The following RBMS2 variants were observed in gnomAD, a reference collection of about 807,000 sequenced individuals.
RBMS2 encodes RNA-binding motif, single-stranded-interacting protein 2.
RBMS2 carries 38 observed loss-of-function variants against 58.4 expected under a neutral mutation model. That is an observed-to-expected ratio of 0.65 (90% CI 0.50 to 0.85). RBMS2 has a LOEUF of 0.85. Ranked by LOEUF, RBMS2 falls within the 40% of genes least tolerant of loss-of-function variation. The pLI, the probability that RBMS2 is intolerant of heterozygous loss-of-function variation, is 0.00. For synonymous variants in RBMS2, 151 were observed against 180.7 expected (o/e 0.84, Z 1.32); for missense variants, 367 against 503.7 (o/e 0.73, Z 2.60).
chr12:56,584,946 C>G (rs1250252409), intron 9 of RBMS2, among the ~76,000 whole-genome samples: 1 of 151,424 alleles, frequency 6.6e-6, no homozygotes, highest in East Asian at 1.9e-4. Flanking sequence ...GCCTCAGCCT[C>G]CCAAGTAGCT....
intron 1 of RBMS2, among the ~76,000 whole-genome samples, chr12:56,538,184 C>T (rs375059600): frequency 6.6e-6 from 1 of 151,964 alleles, no homozygotes; most frequent in Non-Finnish European, 1.5e-5. Context: ...AGACGTGCAC[C>T]ACCATGCCCA....
chr12:56,524,394 G>C (rs1052659243), intron 1 of RBMS2, among the ~76,000 whole-genome samples: 2 of 151,092 alleles, frequency 1.3e-5, no homozygotes, highest in South Asian at 2.1e-4. Context: ...GTTTGTGAAC[G>C]TGGAGGGTTT....
intron 9 of RBMS2, 68 bp from the exon 10 acceptor site, chr12:56,586,778 GAAC>G (rs1884727780): frequency 2.3e-6 from 3 of 1,323,084 alleles, no homozygotes; most frequent in Non-Finnish European, 3.2e-6. Flanking sequence ...GAGCTTTGTT[GAAC>G]ATTATTAGAT....
chr12:56,527,547 G>A (rs772633989), intron 1 of RBMS2, among the ~76,000 whole-genome samples: 19 of 152,260 alleles, frequency 1.2e-4, no homozygotes, highest in Non-Finnish European at 2.1e-4. Flanking sequence ...GGGAGGCAGA[G>A]GTTGCAGTGA....
At chr12:56,569,418 G>A (rs1881919474) in intron 3 of RBMS2, among the ~76,000 whole-genome samples, 1 of 152,106 alleles carries the variant, frequency 6.6e-6, no homozygotes, top group South Asian at 2.1e-4. Flanking sequence ...TTTTATTGGG[G>A]TTTTGAGCAG....
rs747806525 is a variant in RBMS2, at chr12:56,522,035, C to T, written c.12C>T (p.Ser4=). The change falls in exon 1 of 14, where the codon TCC becomes TCT. Residue 4 remains serine, a synonymous_variant. Transcript: ENST00000262031. MLL[S]VTSRPGISTF... Reference sequence around the variant, plus strand: ...ACATTAAAGAGAAAATGCTGCTATCCGTGACTTCCAGGCCCGGGATTTCGA... The same window carrying T: ...ACATTAAAGAGAAAATGCTGCTATCTGTGACTTCCAGGCCCGGGATTTCGA... 3 of 1,543,090 alleles carry T rather than the reference C, an allele frequency of 1.9e-6. No homozygotes were observed. The highest frequency in any genetic ancestry group is 2.2e-5 in the South Asian group (2 of 89,638).
chr12:56,565,299 T>C (rs887272617), intron 2 of RBMS2, among the ~76,000 whole-genome samples: 2 of 152,176 alleles, frequency 1.3e-5, no homozygotes, highest in African/African-American at 4.8e-5. Flanking sequence ...AACTCGGGAC[T>C]TGGGTATTTG....
Position 56,596,020 on chromosome 12 carries a change from T to C in RBMS2, c.*6887T>C, listed in dbSNP as rs1387355641. On this transcript the variant is annotated 3_prime_UTR_variant, in exon 14 of 14. Coordinates refer to ENST00000262031, the MANE Select transcript of RBMS2 (RefSeq NM_002898.4). ...GAACATCACATGGCAAAAACAGGAG[T>C]TTTTTCGCTAGACTTTTTTTTTCTT... The C allele has an allele frequency of 2.0e-5, 3 of 152,596 alleles. No individual in the cohort carries two copies. Among genetic ancestry groups the C allele is most frequent in the Non-Finnish European group, 4.4e-5 (3 of 68,042 alleles). The allele number at this position is 152,596 out of a possible 1,614,324, so 9.5% of individuals were successfully genotyped here. A position where few individuals can be genotyped will look rare whatever the true frequency, so the allele number is the denominator to read the frequency against.
intron 1 of RBMS2, among the ~76,000 whole-genome samples, chr12:56,553,169 G>A (rs1324155777): frequency 1.3e-5 from 2 of 151,524 alleles, no homozygotes; most frequent in Non-Finnish European, 2.9e-5. Flanking sequence ...TGCCTGCCTC[G>A]GCCTCCCAAA....
intron 2 of RBMS2, among the ~76,000 whole-genome samples, chr12:56,562,984 A>G (rs1880705511): frequency 6.6e-6 from 1 of 152,080 alleles, no homozygotes; most frequent in African/African-American, 2.4e-5. Flanking sequence ...TTAGCCGGGC[A>G]TGGTGGCGGG....
At chr12:56,556,478 C>T (rs1879256868) in intron 1 of RBMS2, among the ~76,000 whole-genome samples, 1 of 151,194 alleles carries the variant, frequency 6.6e-6, no homozygotes, top group Admixed American at 6.6e-5. Flanking sequence ...CGAGTTCAAG[C>T]GATTCTCCTG....
chr12:56,594,531 G>A lies in RBMS2; in HGVS notation c.*5398G>A, dbSNP rs1885562624. The A allele has an allele frequency of 6.6e-6, 1 of 152,100 alleles. No homozygotes were observed. Among genetic ancestry groups the A allele is most frequent in the African/African-American group, 2.4e-5 (1 of 41,390 alleles). The allele number at this position is 152,100 out of a possible 1,614,324, so 9.4% of individuals were successfully genotyped here. On this transcript the variant is annotated 3_prime_UTR_variant, in exon 14 of 14. Transcript: ENST00000262031. ...CGTTTAAACCAACTACTCTATTTCT[G>A]TGCTGCCTACATTTTCAATCCTCCC...
intron 1 of RBMS2, among the ~76,000 whole-genome samples, chr12:56,557,221 C>A (rs999329535): frequency 6.6e-6 from 1 of 152,074 alleles, no homozygotes; most frequent in African/African-American, 2.4e-5. Flanking sequence ...GGTGCTCATA[C>A]GTATTACCCT....
At chr12:56,536,820 G>A (rs1874973074) in intron 1 of RBMS2, among the ~76,000 whole-genome samples, 1 of 151,576 alleles carries the variant, frequency 6.6e-6, no homozygotes, top group South Asian at 2.1e-4. Flanking sequence ...GCCCCCCTTG[G>A]CCTCCCAAAG....
chr12:56,535,627 T>G (rs1487825507), intron 1 of RBMS2, among the ~76,000 whole-genome samples: 1 of 152,116 alleles, frequency 6.6e-6, no homozygotes, highest in Non-Finnish European at 1.5e-5. Context: ...ATATTTAACA[T>G]TACACCTGAC....
chr12:56,586,922 C>T lies in RBMS2; in HGVS notation c.947C>T (p.Pro316Leu). 2 of 1,612,148 alleles carry T rather than the reference C, an allele frequency of 1.2e-6. No individual in the cohort carries two copies. ...WMHHHSYLMQ[P>L]SGSVLTPGMD... ...CACCACCATTCATACCTCATGCAGC[C>T]TTCAGTGAGTATTCAGAAGTGGGCA... Residue 316 changes from proline to leucine, a missense_variant, in exon 10 of 14, where the codon CCT becomes CTT. Physicochemically the swap from Pro to Leu is moderately conservative, Grantham distance 98. Around this residue, in one of 3 missense-constraint regions of RBMS2, gnomAD observed 220 missense variants for 261.1 expected, o/e 0.84. Transcript: ENST00000262031.
intron 1 of RBMS2, among the ~76,000 whole-genome samples, chr12:56,531,618 G>A (rs1487107347): frequency 6.6e-6 from 1 of 151,578 alleles, no homozygotes; most frequent in Non-Finnish European, 1.5e-5. Context: ...CAGAGGTCAG[G>A]AGTTCGAGAC....
At chr12:56,527,753 C>T (rs1308122668) in intron 1 of RBMS2, 1 of 139,850 alleles carries the variant, frequency 7.2e-6, no homozygotes, top group African/African-American at 2.6e-5. Flanking sequence ...TCCCCCGCCA[C>T]CCCCCCACCA....
chr12:56,568,942 C>G (rs746076130), intron 2 of RBMS2, 33 bp from the exon 3 acceptor site: 1 of 1,557,342 alleles, frequency 6.4e-7, no homozygotes, highest in Admixed American at 1.7e-5. Context: ...CTCTGCCCCC[C>G]AGATTATTAC....
Sources: allele counts gnomAD v4.1 joint callset (sites outside exome capture counted in the v4.1 genomes callset), GRCh38; gene constraint gnomAD v4.1.1; regional missense constraint gnomAD v4.1.1; transcripts MANE v1.5; gene names NCBI Gene and HGNC (gene_info 2026-07-23, HGNC 2026-07-21).